PARD3B: variants seen among roughly 807,000 people sequenced by gnomAD.
PARD3B encodes partitioning defective 3 homolog B.
A neutral mutation model predicts 130.2 loss-of-function variants in PARD3B; 103 were observed. The ratio of observed to expected loss-of-function variants is 0.79; its 90% CI spans 0.67 to 0.93. The LOEUF (loss-of-function observed/expected upper bound fraction) is 0.93. Ranked by LOEUF, PARD3B falls within the 40% of genes least tolerant of loss-of-function variation. PARD3B has a pLI of 0.00. For missense variants in PARD3B, 1,609 were observed against 1,499.2 expected, an observed-to-expected ratio of 1.07 and a Z score of -1.21; for synonymous variants, 583 against 553.2, an observed-to-expected ratio of 1.05 and a Z score of -0.76.
chr2:204,782,576 T>C (rs1454770839), intron 2 of PARD3B, among the ~76,000 whole-genome samples: 1 of 151,260 alleles, frequency 6.6e-6, no homozygotes, highest in Non-Finnish European at 1.5e-5. Context: ...AATAGCTATA[T>C]ACGTAGATAC....
chr2:205,466,800 C>T (rs1312418434), intron 20 of PARD3B, among the ~76,000 whole-genome samples: 1 of 152,234 alleles, frequency 6.6e-6, no homozygotes, highest in African/African-American at 2.4e-5. Context: ...GCAATCTCCA[C>T]CTCCCAGGTT....
chr2:204,847,495 A>G (rs1254115203), intron 2 of PARD3B, among the ~76,000 whole-genome samples: 1 of 152,196 alleles, frequency 6.6e-6, no homozygotes, highest in Non-Finnish European at 1.5e-5. Context: ...CTGTGGCCCT[A>G]AAATATGAAC....
chr2:205,118,312 T>C (rs1455005367), intron 6 of PARD3B, among the ~76,000 whole-genome samples: 1 of 152,154 alleles, frequency 6.6e-6, no homozygotes, highest in Non-Finnish European at 1.5e-5. Context: ...AAATGTATAG[T>C]GAAATTACCT....
At chr2:205,134,484 C>T (rs998132042) in intron 10 of PARD3B, among the ~76,000 whole-genome samples, 1 of 2,280 alleles carries the variant, frequency 4.4e-4, no homozygotes, top group Non-Finnish European at 0.018. Flanking sequence ...AAGATCATGC[C>T]ACTGCATCTA....
chr2:205,458,882 A>G lies in PARD3B; in HGVS notation c.3044+18210A>G, dbSNP rs1465220037. 6.6e-6 allele frequency among the ~76,000 whole-genome samples: 1 copy of G among 152,174 alleles called. No homozygotes were observed. The highest frequency in any genetic ancestry group is 6.6e-5 in the Admixed American group (1 of 15,264). ...TCCCATTAAGGGACACATTGCCTTA[A>G]TGCAGTCTTTGATTGAGATCACTAG... On this transcript the variant is annotated intron_variant, in intron 20 of 22. Transcript: ENST00000406610. The surrounding 1 kb of genome is among the most constrained non-coding windows in gnomAD (Gnocchi z 4.8).
Position 205,590,049 on chromosome 2 carries a change from T to G in PARD3B, c.3261-25407T>G, listed in dbSNP as rs1264803769. On this transcript the variant is annotated intron_variant, in intron 22 of 22. Coordinates refer to ENST00000406610, the MANE Select transcript of PARD3B (RefSeq NM_001302769.2). The surrounding 1 kb of genome is among the most constrained non-coding windows in gnomAD (Gnocchi z 4.1). ...GGCTCTTTCTAAGTATTTTATCCTC[T>G]AGTACTTACATTCATACCTATTGGT... Among the ~76,000 whole-genome samples the G allele has an allele frequency of 6.7e-6, 1 of 150,314 alleles. No homozygotes were observed. Among genetic ancestry groups the G allele is most frequent in the Admixed American group, 6.5e-5 (1 of 15,272 alleles).
intron 2 of PARD3B, among the ~76,000 whole-genome samples, chr2:204,790,520 G>C (rs1307565416): frequency 6.6e-6 from 1 of 152,114 alleles, no homozygotes; most frequent in African/African-American, 2.4e-5. Flanking sequence ...AAGTGTTCTG[G>C]GTGCTGATGT....
chr2:205,348,488 GGA>G (rs1161582591), intron 18 of PARD3B, among the ~76,000 whole-genome samples: 1 of 152,208 alleles, frequency 6.6e-6, no homozygotes. Context: ...AGAATGGGCA[GGA>G]GAGAGAGCAG....
intron 21 of PARD3B, among the ~76,000 whole-genome samples, chr2:205,545,415 A>T (rs1313740303): frequency 6.6e-6 from 1 of 152,232 alleles, no homozygotes; most frequent in Non-Finnish European, 1.5e-5. Flanking sequence ...GAAATGTGGA[A>T]CACTTCTCCA....
In PARD3B at chr2:205,268,617, A is replaced by G. The variant is rs183764893; in HGVS notation, c.2185+22795A>G. ...AGTATTAGGAGGCGGTAATTTGCAGATAAAAAGTAAAAATACAGGTCTGGA... is the reference window on the plus strand; with the variant it reads ...AGTATTAGGAGGCGGTAATTTGCAGGTAAAAAGTAAAAATACAGGTCTGGA... On this transcript the variant is annotated intron_variant, in intron 16 of 22. Transcript: ENST00000406610. The surrounding 1 kb of genome is among the most constrained non-coding windows in gnomAD (Gnocchi z 4.1). Among the ~76,000 whole-genome samples, 3 of 152,312 alleles carry G rather than the reference A, an allele frequency of 2.0e-5. No individual in the cohort carries two copies. The highest frequency in any genetic ancestry group is 3.9e-4 in the East Asian group (2 of 5,188).
intron 3 of PARD3B, among the ~76,000 whole-genome samples, chr2:205,025,172 A>G (rs1224539368): frequency 2.0e-5 from 3 of 152,294 alleles, no homozygotes; most frequent in Non-Finnish European, 4.4e-5. Context: ...GTCGGGCAAG[A>G]GTGTGTTCAG....
At chr2:204,916,789 C>CT (rs2047463867) in intron 2 of PARD3B, among the ~76,000 whole-genome samples, 2 of 152,010 alleles carry the variant, frequency 1.3e-5, no homozygotes. Context: ...ATAAATAATC[C>CT]TTTTTAAATA....
At chr2:205,150,430 G>T (rs2033678922) in intron 10 of PARD3B, among the ~76,000 whole-genome samples, 1 of 151,972 alleles carries the variant, frequency 6.6e-6, no homozygotes, top group Non-Finnish European at 1.5e-5. Context: ...ATGCTGTCTG[G>T]CAAGATTTGA....
intron 1 of PARD3B, among the ~76,000 whole-genome samples, chr2:204,547,095 G>T (rs2030019074): frequency 6.6e-6 from 1 of 152,164 alleles, no homozygotes; most frequent in African/African-American, 2.4e-5. Flanking sequence ...TTGGTCTCGT[G>T]CCATGTGACT....
chr2:205,089,331 A>C (rs756231219), intron 4 of PARD3B, among the ~76,000 whole-genome samples: 2 of 150,978 alleles, frequency 1.3e-5, no homozygotes, highest in Non-Finnish European at 3.0e-5. Flanking sequence ...CCATCATGCC[A>C]GGCTAATTTT....
chr2:204,725,385 A>G (rs2039179078), intron 2 of PARD3B, among the ~76,000 whole-genome samples: 1 of 152,234 alleles, frequency 6.6e-6, no homozygotes, highest in African/African-American at 2.4e-5. Context: ...ACCAGAAAAT[A>G]TGATTAATGT....
rs757242372 is a variant in PARD3B at position 205,617,403 on chromosome 2, T to A, written c.*1590T>A. The A allele has an allele frequency of 2.0e-5, 3 of 152,208 alleles. No homozygotes were observed. In the South Asian group the frequency reaches 6.2e-4, roughly 31 times the overall value. 9.4% of individuals were successfully genotyped at this position (152,208 alleles called of 1,614,324 possible). Reference sequence around the variant, plus strand: ...ATTTTGGCTGAGATTAGCATACCTCTGACTCACAGGATTTAATAAATTATA... The same window carrying A: ...ATTTTGGCTGAGATTAGCATACCTCAGACTCACAGGATTTAATAAATTATA... On this transcript the variant is annotated 3_prime_UTR_variant, in exon 23 of 23. Transcript: ENST00000406610.
chr2:205,154,334 A>C (rs941137547), intron 10 of PARD3B, among the ~76,000 whole-genome samples: 1 of 152,210 alleles, frequency 6.6e-6, no homozygotes, highest in Non-Finnish European at 1.5e-5. Context: ...ATGCAAATCA[A>C]AACCACCATG....
In PARD3B at chr2:204,658,881, T is replaced by A. The variant is rs2035717262; in HGVS notation, c.121-27300T>A. On this transcript the variant is annotated intron_variant, in intron 1 of 22. Transcript: ENST00000406610. ...CATAATAACCTATGCCAATAAATAG[T>A]CAAGTGTCCAATCAATCCCCATCAT... is the stretch of plus-strand genomic sequence containing the variant. 2.0e-5 allele frequency among the ~76,000 whole-genome samples: 3 copies of A among 152,182 alleles called. No individual in the cohort carries two copies. The South Asian group carries it at 6.2e-4, about 32-fold the overall frequency.
Sources: gnomAD v4.1 joint callset for allele counts (sites outside exome capture counted in the v4.1 genomes callset) on GRCh38, gnomAD v4.1.1 for gene constraint, Gnocchi (gnomAD v3.1) non-coding constraint, MANE v1.5 for transcripts, NCBI Gene and HGNC (gene_info 2026-07-23, HGNC 2026-07-21) for gene names.